The following CCDC171 variants were observed in gnomAD, a reference collection of about 807,000 sequenced individuals.
CCDC171 encodes coiled-coil domain containing 171, also known as coiled-coil domain-containing protein 171.
CCDC171 carries 177 observed loss-of-function variants against 168.2 expected under a neutral mutation model. The ratio of observed to expected loss-of-function variants is 1.05; its 90% CI spans 0.93 to 1.19. The LOEUF (loss-of-function observed/expected upper bound fraction) is 1.19, where lower values mean the gene tolerates loss of function less well. CCDC171 is among the 50% of genes most tolerant of loss of function. The pLI, the probability that CCDC171 is intolerant of heterozygous loss-of-function variation, is 0.00. For synonymous variants in CCDC171, 687 were observed against 540.8 expected (o/e 1.27, Z -3.75); for missense variants, 1,991 against 1,539.0 (o/e 1.29, Z -4.91).
chr9:15,557,160 G>C (rs562853095), intron 1 of CCDC171, among the ~76,000 whole-genome samples: 3 of 152,162 alleles, frequency 2.0e-5, no homozygotes, highest in Non-Finnish European at 2.9e-5. Context: ...AGTATAGTTT[G>C]AAGTCAGGTA....
Position 15,817,929 on chromosome 9 carries a change from C to T in CCDC171, c.3268-28773C>T, listed in dbSNP as rs1287816427. ...GGTCCCTGACCCCTGAGTAACCTAGCTGGGAGGCATCCCCCGGTAGGGGCA... is the reference window on the plus strand; with the variant it reads ...GGTCCCTGACCCCTGAGTAACCTAGTTGGGAGGCATCCCCCGGTAGGGGCA... On this transcript the variant is annotated intron_variant, in intron 21 of 25. Coordinates refer to ENST00000380701, the MANE Select transcript of CCDC171 (RefSeq NM_173550.4). Among the ~76,000 whole-genome samples the T allele has an allele frequency of 1.7e-5, 2 of 118,258 alleles. 1 individual carries two copies. The highest frequency in any genetic ancestry group is 6.3e-5 in the African/African-American group (2 of 31,498). 77.6% of individuals were successfully genotyped at this position (118,258 alleles called of 152,430 possible). A position where few individuals can be genotyped will look rare whatever the true frequency, so the allele number is the denominator to read the frequency against.
chr9:15,600,161 T>A (rs566932955), intron 6 of CCDC171, among the ~76,000 whole-genome samples: 1 of 152,328 alleles, frequency 6.6e-6, no homozygotes, highest in African/African-American at 2.4e-5. Flanking sequence ...TCCATCCAGC[T>A]TTGGTCTTTT....
intron 11 of CCDC171, among the ~76,000 whole-genome samples, chr9:15,698,913 T>C (rs1032430288): frequency 5.3e-5 from 8 of 152,204 alleles, no homozygotes; most frequent in African/African-American, 1.9e-4. Context: ...ATATCTTGGT[T>C]ATTGTGAATA....
intron 3 of CCDC171, among the ~76,000 whole-genome samples, chr9:16,008,763 T>G (rs1045026741): frequency 1.3e-5 from 2 of 152,164 alleles, no homozygotes; most frequent in Non-Finnish European, 2.9e-5. Flanking sequence ...ATTGAAGGCA[T>G]GAGGTAAGCA....
intron 4 of CCDC171, among the ~76,000 whole-genome samples, chr9:15,587,033 A>G (rs934290558): frequency 2.6e-5 from 4 of 152,144 alleles, no homozygotes; most frequent in Non-Finnish European, 5.9e-5. Context: ...GGCTGGTGTC[A>G]AACCCTTGGC....
intron 11 of CCDC171, among the ~76,000 whole-genome samples, chr9:15,698,716 A>G (rs1448597396): frequency 6.6e-6 from 1 of 151,626 alleles, no homozygotes; most frequent in Admixed American, 6.6e-5. Flanking sequence ...CACATCATAT[A>G]CTCTTTCTTT....
intron 10 of CCDC171, among the ~76,000 whole-genome samples, chr9:15,687,869 C>T (rs1039031546): frequency 6.6e-6 from 1 of 152,054 alleles, no homozygotes; most frequent in African/African-American, 2.4e-5. Flanking sequence ...TGCCTGTAAT[C>T]CTAACACTTG....
chr9:15,787,245 C>CTT (rs200424950), intron 21 of CCDC171, among the ~76,000 whole-genome samples: 1 of 148,184 alleles, frequency 6.7e-6, no homozygotes, highest in African/African-American at 2.5e-5. Flanking sequence ...TGATAATCCA[C>CTT]TTTTTTTTTT....
chr9:15,997,495 A>C (rs574143375), intron 3 of CCDC171, among the ~76,000 whole-genome samples: 1 of 152,340 alleles, frequency 6.6e-6, no homozygotes. Flanking sequence ...GCCAGAGTCC[A>C]GATCCACTTC....
chr9:15,874,784 T>G, intron 24 of CCDC171, 121 bp downstream of exon 24: 2 of 949,696 alleles, frequency 2.1e-6, no homozygotes, highest in Non-Finnish European at 2.9e-6. Context: ...AATAGATGTT[T>G]CTTCATTTTT....
chr9:15,881,159 C>G (rs2794625), intron 24 of CCDC171, among the ~76,000 whole-genome samples: 118,368 of 152,064 alleles, frequency 0.78, 46,820 homozygotes, highest in East Asian at 0.85. Context: ...CTACTTGGTA[C>G]TTGAAATTTT....
chr9:15,676,388 A>G (rs2049563741), intron 9 of CCDC171, among the ~76,000 whole-genome samples: 1 of 151,334 alleles, frequency 6.6e-6, no homozygotes, highest in Non-Finnish European at 1.5e-5. Flanking sequence ...AACTCGTCAA[A>G]CTCATTCTCC....
chr9:15,915,850 T>C (rs1360317382), intron 24 of CCDC171, among the ~76,000 whole-genome samples: 1 of 152,200 alleles, frequency 6.6e-6, no homozygotes, highest in Non-Finnish European at 1.5e-5. Context: ...AAATGCCTTC[T>C]CTGCATCTAT....
intron 21 of CCDC171, among the ~76,000 whole-genome samples, chr9:15,831,194 G>A (rs188715928): frequency 5.7e-4 from 87 of 151,698 alleles, no homozygotes; most frequent in African/African-American, 1.9e-3. Context: ...GGATGGTCTC[G>A]AACTCCTAAC....
chr9:15,708,988 A>T (rs183526290), intron 11 of CCDC171, among the ~76,000 whole-genome samples: 1 of 152,272 alleles, frequency 6.6e-6, no homozygotes, highest in Admixed American at 6.5e-5. Flanking sequence ...AATTAAGGAA[A>T]ACTAAATAGA....
intron 6 of CCDC171, among the ~76,000 whole-genome samples, chr9:15,596,312 A>C (rs1398839647): frequency 1.3e-4 from 20 of 151,954 alleles, no homozygotes; most frequent in African/African-American, 3.6e-4. Context: ...ATCTTGAATT[A>C]ATTTTTGTAT....
intron 6 of CCDC171, among the ~76,000 whole-genome samples, chr9:16,034,676 T>C (rs1833430957): frequency 6.6e-6 from 1 of 152,230 alleles, no homozygotes; most frequent in Admixed American, 6.5e-5. Context: ...ACCACTGTGA[T>C]GGACACTGCC....
At chr9:15,563,511 G>A (rs1296678900) in intron 1 of CCDC171, among the ~76,000 whole-genome samples, 2 of 152,116 alleles carry the variant, frequency 1.3e-5, no homozygotes, top group African/African-American at 4.8e-5. Flanking sequence ...AGTGTTGTAA[G>A]GATCACAATG....
intron 11 of CCDC171, among the ~76,000 whole-genome samples, 166 bp from the exon 12 acceptor site, chr9:15,721,603 C>G (rs1409195200): frequency 3.4e-5 from 5 of 145,138 alleles, no homozygotes; most frequent in Non-Finnish European, 7.6e-5. Flanking sequence ...GAATAAAATT[C>G]TATTCAAGAA....
Sources: allele counts gnomAD v4.1 joint callset (sites outside exome capture counted in the v4.1 genomes callset), GRCh38; gene constraint gnomAD v4.1.1; transcripts MANE v1.5; gene names NCBI Gene and HGNC (gene_info 2026-07-23, HGNC 2026-07-21).